HOXA7: variants seen among roughly 807,000 people sequenced by gnomAD.
HOXA7 encodes the protein homeobox A7, also known as homeobox protein Hox-A7.
In HOXA7, 16 loss-of-function variants were observed where a neutral mutation model predicts 16.8. That is an observed-to-expected ratio of 0.95 (90% CI 0.64 to 1.44). The LOEUF (loss-of-function observed/expected upper bound fraction) is 1.44. Ranked by LOEUF, HOXA7 falls within the 40% of genes most tolerant of loss-of-function variation. HOXA7 has a pLI of 0.00. For synonymous variants in HOXA7, 169 were observed against 144.3 expected (o/e 1.17, Z -1.23); for missense variants, 379 against 328.6 (o/e 1.15, Z -1.19).
At chr7:27,155,273 G>A in intron 1 of HOXA7, 51 bp from the exon 2 acceptor site, 1 of 1,550,098 alleles carries the variant, frequency 6.5e-7, no homozygotes, top group African/African-American at 1.4e-5. Flanking sequence ...AAGTAGACAG[G>A]GCACTCGTTA....
chr7:27,155,493 C>T lies in HOXA7; in HGVS notation c.380-271G>A, dbSNP rs550056611. On this transcript the variant is annotated intron_variant, in intron 1 of 1. Transcript: ENST00000242159. The stretch of plus-strand genomic sequence containing the variant: ...ACCTTTCCAGCCGGCTAAGCTTCCA[C>T]AATGTCCTGCTTCCTCTGACAAAGG... 6.0e-4 allele frequency: 308 copies of T among 517,462 alleles called. 1 individual carries two copies. The highest frequency in any genetic ancestry group is 5.2e-3 in the African/African-American group (275 of 53,074). The allele number at this position is 517,462 out of a possible 1,614,324, so 32.1% of individuals were successfully genotyped here. A position where few individuals can be genotyped will look rare whatever the true frequency, so the allele number is the denominator to read the frequency against.
rs974835724 is a variant in HOXA7 at position 27,156,291 on chromosome 7, G to T, written c.255C>A (p.Tyr85Ter). 2 of 1,613,646 alleles carry T rather than the reference G, an allele frequency of 1.2e-6. No individual in the cohort carries two copies. Among genetic ancestry groups the T allele is most frequent in the Non-Finnish European group, 1.7e-6 (2 of 1,179,858 alleles). ...TGCAGAGCCCGGGGATGTTTTGGTCGTAGGAGGCGCAGGGCAGGTTGCCGT... is the reference window on the plus strand; with the variant it reads ...TGCAGAGCCCGGGGATGTTTTGGTCTTAGGAGGCGCAGGGCAGGTTGCCGT... ...DAYGNLPCAS[Y>*]DQNIPGLCSD... The change falls in exon 1 of 2, where the codon TAC (tyrosine) becomes TAA (stop). Residue 85 changes from tyrosine to a stop codon, truncating the protein, a stop_gained. Coordinates refer to ENST00000242159, the MANE Select transcript of HOXA7 (RefSeq NM_006896.4). LOFTEE classifies it high-confidence loss of function.
At chr7:27,155,390 G>A in intron 1 of HOXA7, 168 bp from the exon 2 acceptor site, 1 of 649,434 alleles carries the variant, frequency 1.5e-6, no homozygotes. Flanking sequence ...GAGTGTTAGG[G>A]AAAGACCCCA....
chr7:27,155,104 C>G lies in HOXA7; in HGVS notation c.498G>C (p.Ala166=). 6.2e-7 allele frequency: 1 copy of G among 1,614,232 alleles called. No individual in the cohort carries two copies. Among genetic ancestry groups the G allele is most frequent in the Non-Finnish European group, 8.5e-7 (1 of 1,180,046 alleles). Residue 166 remains alanine (A), a synonymous_variant, in exon 2 of 2, where the codon GCG becomes GCC. Transcript: ENST00000242159. Reference sequence around the variant, plus strand: ...TAATCTGGCGCTCGGTGAGGCAGAGCGCGTGGGCGATTTCAATGCGGCGGC... The same window carrying G: ...TAATCTGGCGCTCGGTGAGGCAGAGGGCGTGGGCGATTTCAATGCGGCGGC... ...TRRRRIEIAH[A]LCLTERQIKI... is the part of the protein sequence containing the mutation.
chr7:27,155,035 A>C lies in HOXA7; in HGVS notation c.567T>G (p.His189Gln). Reference sequence around the variant, plus strand: ...CGGCGGCAGTCGGACCTTCGTCCTTATGCTCTTTCTTCCACTTCATGCGGC... The same window carrying C: ...CGGCGGCAGTCGGACCTTCGTCCTTCTGCTCTTTCTTCCACTTCATGCGGC... ...QNRRMKWKKE[H>Q]KDEGPTAAAA... The change falls in exon 2 of 2, where the codon CAT (histidine) becomes CAG (glutamine). Residue 189 changes from histidine to glutamine, a missense_variant. By Grantham distance (24) the His-to-Gln change is conservative. Coordinates refer to ENST00000242159, the MANE Select transcript of HOXA7 (RefSeq NM_006896.4). The C allele has an allele frequency of 6.2e-7, 1 of 1,614,120 alleles. No homozygotes were observed. Among genetic ancestry groups the C allele is most frequent in the Non-Finnish European group, 8.5e-7 (1 of 1,180,022 alleles).
rs755689640 is a variant in HOXA7 at position 27,156,182 on chromosome 7, A to T, written c.364T>A (p.Trp122Arg). Reference protein sequence around the residue: ...AAEANFRIYPWMRSSGPDRKR... With the variant: ...AAEANFRIYPRMRSSGPDRKR... ...CTGCGCCTACCTGAAGACCGCATCC[A>T]GGGGTAGATGCGGAAATTGGCCTCA... The change falls in exon 1 of 2, where the codon TGG (tryptophan) becomes AGG (arginine). Residue 122 changes from tryptophan to arginine, a missense_variant. By Grantham distance (101) the Trp-to-Arg change is moderately radical (BLOSUM62 -3). Transcript: ENST00000242159. 3.8e-6 allele frequency: 6 copies of T among 1,572,190 alleles called. No individual in the cohort carries two copies. Among genetic ancestry groups the T allele is most frequent in the Non-Finnish European group, 4.3e-6 (5 of 1,157,998 alleles).
intron 1 of HOXA7, 114 bp from the exon 2 acceptor site, chr7:27,155,336 T>A (rs1783087896): frequency 1.0e-6 from 1 of 988,882 alleles, no homozygotes; most frequent in African/African-American, 1.6e-5. Context: ...CCAGCGAGCA[T>A]CCCCCTCTGC....
Position 27,155,186 on chromosome 7 carries a change from C to A in HOXA7, c.416G>T (p.Arg139Leu). Residue 139 changes from arginine (R) to leucine (L), a missense_variant, in exon 2 of 2, where the codon CGC becomes CTC. Coordinates refer to ENST00000242159, the MANE Select transcript of HOXA7 (RefSeq NM_006896.4). ...CTTCTCCAGCTCCAGCGTCTGGTAG[C>A]GCGTGTAGGTCTGGCGGCCCCGCTT... ...DRKRGRQTYT[R>L]YQTLELEKEF... 6.2e-7 allele frequency: 1 copy of A among 1,614,252 alleles called. No individual in the cohort carries two copies. The highest frequency in any genetic ancestry group is 8.5e-7 in the Non-Finnish European group (1 of 1,180,052).
chr7:27,155,331 G>T, intron 1 of HOXA7, 109 bp from the exon 2 acceptor site: 2 of 1,042,628 alleles, frequency 1.9e-6, no homozygotes, highest in Non-Finnish European at 2.9e-6. Flanking sequence ...AGTCCCCAGC[G>T]AGCATCCCCC....
rs1374016412 is a variant in HOXA7, at chr7:27,156,519, C to T, written c.27G>A (p.Ala9=). 1.3e-6 allele frequency: 2 copies of T among 1,585,696 alleles called. No homozygotes were observed. Among genetic ancestry groups the T allele is most frequent in the East Asian group, 2.3e-5 (1 of 44,374 alleles). The change falls in exon 1 of 2, where the codon GCG becomes GCA. Residue 9 remains alanine (A), a synonymous_variant. Coordinates refer to ENST00000242159, the MANE Select transcript of HOXA7 (RefSeq NM_006896.4). MSSSYYVN[A]LFSKYTAGAS... is the part of the protein sequence containing the mutation. Reference sequence around the variant, plus strand: ...CCCCCGCCGTATATTTGCTAAAAAGCGCGTTCACATAATACGAAGAACTCA... The same window carrying T: ...CCCCCGCCGTATATTTGCTAAAAAGTGCGTTCACATAATACGAAGAACTCA...
In HOXA7 at chr7:27,154,742, G is replaced by A; in HGVS notation, c.*167C>T. The A allele has an allele frequency of 1.0e-6, 1 of 977,414 alleles. No homozygotes were observed. The highest frequency in any genetic ancestry group is 1.8e-5 in the South Asian group (1 of 55,192). The allele number at this position is 977,414 out of a possible 1,614,324, so 60.5% of individuals were successfully genotyped here. On this transcript the variant is annotated 3_prime_UTR_variant, in exon 2 of 2. Transcript: ENST00000242159. Reference sequence around the variant, plus strand: ...CCACAAAAGTTGGGAGCTGGAGTAGGTGATGGGGGTGGGTAGAGTGCAGGT... The same window carrying A: ...CCACAAAAGTTGGGAGCTGGAGTAGATGATGGGGGTGGGTAGAGTGCAGGT...
At chr7:27,156,066 G>A (rs1241918249) in intron 1 of HOXA7, 101 bp downstream of exon 1, 3 of 1,331,642 alleles carry the variant, frequency 2.3e-6, no homozygotes, top group South Asian at 1.9e-5. Context: ...GCCTGGCTCC[G>A]CTCTTCCGGC....
rs1783110210 is a variant in HOXA7, at chr7:27,156,446, T to C, written c.100A>G (p.Asn34Asp). 6.2e-7 allele frequency: 1 copy of C among 1,613,746 alleles called. No individual in the cohort carries two copies. Residue 34 changes from asparagine (N) to aspartate (D), a missense_variant, in exon 1 of 2, where the codon AAC becomes GAC. Asn to Asp is a conservative substitution (Grantham distance 23, BLOSUM62 1). Transcript: ENST00000242159. ...GCCCCGTAGCCGCTTCTCTGTGAGTTGGGAGCAAAGGAGCAAGAAGTCGGC... is the reference window on the plus strand; with the variant it reads ...GCCCCGTAGCCGCTTCTCTGTGAGTCGGGAGCAAAGGAGCAAGAAGTCGGC... The part of the protein sequence containing the change: ...AEPTSCSFAP[N>D]SQRSGYGAGA...
intron 1 of HOXA7, 26 bp downstream of exon 1, chr7:27,156,141 C>A: frequency 6.8e-7 from 1 of 1,468,412 alleles, no homozygotes. Context: ...CTCCGCCAGC[C>A]TGGCCCGCCT....
At position 27,156,369 on chromosome 7, in the gene HOXA7, G is replaced by T. The variant is rs748309582; in HGVS notation, c.177C>A (p.Ser59Arg). ...STVPGLYNVN[S>R]PLYQSPFASG... Reference sequence around the variant, plus strand: ...ACGCAAAGGGGCTCTGATAAAGGGGGCTGTTGACATTGTATAAGCCCGGAA... The same window carrying T: ...ACGCAAAGGGGCTCTGATAAAGGGGTCTGTTGACATTGTATAAGCCCGGAA... The change falls in exon 1 of 2, where the codon AGC (serine) becomes AGA (arginine). Residue 59 changes from serine to arginine, a missense_variant. By Grantham distance (110) the Ser-to-Arg change is moderately radical. Transcript: ENST00000242159. The T allele has an allele frequency of 1.9e-6, 3 of 1,614,048 alleles. No homozygotes were observed. Among genetic ancestry groups the T allele is most frequent in the Non-Finnish European group, 2.5e-6 (3 of 1,179,930 alleles).
Position 27,154,829 on chromosome 7 carries a change from A to G in HOXA7, c.*80T>C. The G allele has an allele frequency of 6.7e-7, 1 of 1,492,526 alleles. No individual in the cohort carries two copies. 92.5% of individuals were successfully genotyped at this position (1,492,526 alleles called of 1,614,324 possible). On this transcript the variant is annotated 3_prime_UTR_variant, in exon 2 of 2. Coordinates refer to ENST00000242159, the MANE Select transcript of HOXA7 (RefSeq NM_006896.4). The stretch of plus-strand genomic sequence containing the variant: ...TTTTACATTTTCTTTTATTTTTCCC[A>G]TTTTTGTAAGTAAAACCAGTGAGTC...
chr7:27,155,002 G>C lies in HOXA7; in HGVS notation c.600C>G (p.Pro200=), dbSNP rs1783079589. The change falls in exon 2 of 2, where the codon CCC becomes CCG. Residue 200 remains proline, a synonymous_variant. Coordinates refer to ENST00000242159, the MANE Select transcript of HOXA7 (RefSeq NM_006896.4). ...KDEGPTAAAA[P]EGAVPSAAAT... ...CGGCGGCAGAGGGCACGGCGCCCTC[G>C]GGAGCTGCGGCGGCAGTCGGACCTT... The C allele has an allele frequency of 6.2e-7, 1 of 1,613,920 alleles. No individual in the cohort carries two copies. The highest frequency in any genetic ancestry group is 8.5e-7 in the Non-Finnish European group (1 of 1,179,928).
chr7:27,155,862 A>G (rs1380222948), intron 1 of HOXA7: 2 of 308,338 alleles, frequency 6.5e-6, no homozygotes, highest in Non-Finnish European at 1.2e-5. Context: ...AGAATAGCGA[A>G]CAAACTTAAT....
Position 27,156,580 on chromosome 7 carries a change from C to G in HOXA7, c.-35G>C, listed in dbSNP as rs1208794617. The G allele has an allele frequency of 6.5e-7, 1 of 1,540,582 alleles. No homozygotes were observed. Among genetic ancestry groups the G allele is most frequent in the Non-Finnish European group, 8.8e-7 (1 of 1,141,498 alleles). ...CTGTGATTTGTTGTCCGGCAGCTTTCAGTGTCGGTTTTACGAGGTAGAGTG... is the reference window on the plus strand; with the variant it reads ...CTGTGATTTGTTGTCCGGCAGCTTTGAGTGTCGGTTTTACGAGGTAGAGTG... On this transcript the variant is annotated 5_prime_UTR_variant, in exon 1 of 2. Transcript: ENST00000242159.
Sources: gnomAD v4.1 joint callset for allele counts on GRCh38, gnomAD v4.1.1 for gene constraint, MANE v1.5 for transcripts, NCBI Gene and HGNC (gene_info 2026-07-23, HGNC 2026-07-21) for gene names.